The following GSDME variants were observed in gnomAD, a reference collection of about 807,000 sequenced individuals.
The protein encoded by GSDME is gasdermin E.
GSDME carries 44 observed loss-of-function variants against 47.5 expected under a neutral mutation model. That is an observed-to-expected ratio of 0.93 (90% confidence interval 0.73 to 1.19). The LOEUF (loss-of-function observed/expected upper bound fraction) is 1.19. Ranked by LOEUF, GSDME falls within the 50% of genes most tolerant of loss-of-function variation. GSDME has a pLI of 0.00. For missense variants in GSDME, 663 were observed against 604.2 expected, an observed-to-expected ratio of 1.10 and a Z score of -1.02; for synonymous variants, 258 against 252.8, an observed-to-expected ratio of 1.02 and a Z score of -0.20.
intron 8 of GSDME, chr7:24,704,443 G>C (rs886581289): frequency 6.6e-6 from 1 of 152,144 alleles, no homozygotes; most frequent in Non-Finnish European, 1.5e-5. Context: ...TTTAAGGAGA[G>C]AAGATTATAT....
At chr7:24,771,164 T>C in the GSDME span, among the ~76,000 whole-genome samples, 1 of 151,922 alleles carries the variant, frequency 6.6e-6, no homozygotes, top group Non-Finnish European at 1.5e-5. This position sits in a 1 kb window ranked among gnomAD's most constrained non-coding sequence, Gnocchi z 4.1. Flanking sequence ...ATAAGGCATG[T>C]CAGGTAACTG....
chr7:24,749,188 C>G (rs1584107535), intron 2 of GSDME, among the ~76,000 whole-genome samples: 1 of 152,152 alleles, frequency 6.6e-6, no homozygotes, highest in East Asian at 1.9e-4. Flanking sequence ...TATCTGGACT[C>G]AAGGCAATAC....
the GSDME span, among the ~76,000 whole-genome samples, chr7:24,765,819 T>A: frequency 1.1e-4 from 16 of 152,236 alleles, no homozygotes; most frequent in Non-Finnish European, 2.2e-4. Context: ...TTTATATACA[T>A]CATTTCATTG....
intron 3 of GSDME, among the ~76,000 whole-genome samples, chr7:24,722,161 G>A (rs931417271): frequency 6.6e-6 from 1 of 152,214 alleles, no homozygotes; most frequent in African/African-American, 2.4e-5. Flanking sequence ...TGCCTAGTAC[G>A]TAGGAAGAGC....
At chr7:24,746,529 C>A (rs1293599296) in intron 2 of GSDME, among the ~76,000 whole-genome samples, 1 of 152,192 alleles carries the variant, frequency 6.6e-6, no homozygotes, top group Non-Finnish European at 1.5e-5. Flanking sequence ...ACAGAAATAT[C>A]ATTTTCTAAT....
chr7:24,731,950 G>A (rs536143477), intron 3 of GSDME, among the ~76,000 whole-genome samples: 5 of 152,100 alleles, frequency 3.3e-5, no homozygotes, highest in African/African-American at 4.8e-5. Flanking sequence ...CCCTGAATTC[G>A]GCCTAAAAAT....
intron 3 of GSDME, among the ~76,000 whole-genome samples, chr7:24,729,482 C>T (rs942689090): frequency 6.6e-6 from 1 of 152,216 alleles, no homozygotes; most frequent in African/African-American, 2.4e-5. Flanking sequence ...AGGCAACTTC[C>T]GACACACTTG....
chr7:24,786,403 C>A, the GSDME span, among the ~76,000 whole-genome samples: 3 of 152,294 alleles, frequency 2.0e-5, no homozygotes, highest in South Asian at 6.2e-4. The surrounding 1 kb of genome is among the most constrained non-coding windows in gnomAD (Gnocchi z 5.5). Context: ...AACATGCAGA[C>A]ACACTCGTAG....
In GSDME at chr7:24,750,592, G is replaced by A. The variant is rs144823081; in HGVS notation, c.-19-799C>T. On this transcript the variant is annotated intron_variant, in intron 1 of 9. Coordinates refer to ENST00000645220, the MANE Select transcript of GSDME (RefSeq NM_001127453.2). Reference sequence around the variant, plus strand: ...CACGTCACCATACTCCAGTCTGGGTGACAGTGCAAGATTTTGTCTCAAAAA... The same window carrying A: ...CACGTCACCATACTCCAGTCTGGGTAACAGTGCAAGATTTTGTCTCAAAAA... 3.6e-3 allele frequency among the ~76,000 whole-genome samples: 545 copies of A among 152,308 alleles called. 4 individuals carry two copies. Among genetic ancestry groups the A allele is most frequent in the African/African-American group, 0.012 (515 of 41,566 alleles).
chr7:24,768,788 G>A, the GSDME span, among the ~76,000 whole-genome samples: 1 of 152,234 alleles, frequency 6.6e-6, no homozygotes, highest in Non-Finnish European at 1.5e-5. The surrounding 1 kb of genome is among the most constrained non-coding windows in gnomAD (Gnocchi z 5.6). Flanking sequence ...GCTTTCATCA[G>A]CAGTTCCAGC....
In GSDME at chr7:24,726,544, C is replaced by T. The variant is rs1016749324; in HGVS notation, c.405-7326G>A. ...AACCCTTGATAGTAACAATGGTAGG[C>T]CGGGCGCGGTGGCTCACGCCTGTTA... On this transcript the variant is annotated intron_variant, in intron 3 of 9. Coordinates refer to ENST00000645220, the MANE Select transcript of GSDME (RefSeq NM_001127453.2). This position sits in a 1 kb window ranked among gnomAD's most constrained non-coding sequence, Gnocchi z 5.6. Among the ~76,000 whole-genome samples the T allele has an allele frequency of 2.0e-5, 3 of 152,214 alleles. No individual in the cohort carries two copies. The highest frequency in any genetic ancestry group is 2.0e-4 in the Admixed American group (3 of 15,282).
Position 24,751,804 on chromosome 7 carries a change from C to G in GSDME, c.-19-2011G>C, listed in dbSNP as rs75623152. 6.6e-3 allele frequency among the ~76,000 whole-genome samples: 999 copies of G among 152,310 alleles called. 9 individuals carry two copies. Among genetic ancestry groups the G allele is most frequent in the African/African-American group, 0.023 (957 of 41,564 alleles). On this transcript the variant is annotated intron_variant, in intron 1 of 9. Transcript: ENST00000645220. Reference sequence around the variant, plus strand: ...TTCACTAATTTTTCTTGAGTACCTACTATACTACTGTGTTGAAGCACTTAG... The same window carrying G: ...TTCACTAATTTTTCTTGAGTACCTAGTATACTACTGTGTTGAAGCACTTAG...
rs915622012 is a variant in GSDME at position 24,698,707 on chromosome 7, G to C, written c.*319C>G. On this transcript the variant is annotated 3_prime_UTR_variant, in exon 10 of 10. Coordinates refer to ENST00000645220, the MANE Select transcript of GSDME (RefSeq NM_001127453.2). ...CTTTCTATGTAACAAAAAGTGGAAT[G>C]CAAGTGACAGATGGACTTATTATTG... 2 of 385,034 alleles carry C rather than the reference G, an allele frequency of 5.2e-6. No individual in the cohort carries two copies. The highest frequency in any genetic ancestry group is 5.9e-5 in the East Asian group (1 of 16,912). The allele number at this position is 385,034 out of a possible 1,614,324, so 23.9% of individuals were successfully genotyped here.
Position 24,709,373 on chromosome 7 carries a change from G to A in GSDME, c.862+851C>T, listed in dbSNP as rs561694663. 2.0e-5 allele frequency among the ~76,000 whole-genome samples: 3 copies of A among 152,264 alleles called. No homozygotes were observed. The South Asian group carries it at 6.2e-4, about 32-fold the overall frequency. On this transcript the variant is annotated intron_variant, in intron 6 of 9. Transcript: ENST00000645220. ...ATCCTTCAAGTGGCAGCTGAAAATT[G>A]CACCCACTTATCCATCTCAAGGAAG... is the stretch of plus-strand genomic sequence containing the variant.
chr7:24,706,031 C>T (rs1789084047), intron 8 of GSDME, 153 bp downstream of exon 8: 3 of 959,556 alleles, frequency 3.1e-6, no homozygotes, highest in Admixed American at 2.0e-5. Flanking sequence ...TCCCATCAGC[C>T]TCCCACCTCT....
rs560579974 is a variant in GSDME at position 24,728,052 on chromosome 7, C to G, written c.405-8834G>C. ...GGAGGAAGAGACAGGGTGCACCCAG[C>G]CCTGCCAATGAGTCTTGATTTGTCT... On this transcript the variant is annotated intron_variant, in intron 3 of 9. Transcript: ENST00000645220. The surrounding 1 kb of genome is among the most constrained non-coding windows in gnomAD (Gnocchi z 7.2). Among the ~76,000 whole-genome samples the G allele has an allele frequency of 6.6e-6, 1 of 152,336 alleles. No individual in the cohort carries two copies. Among genetic ancestry groups the G allele is most frequent in the East Asian group, 1.9e-4 (1 of 5,184 alleles).
intron 9 of GSDME, 36 bp from the exon 10 acceptor site, chr7:24,699,295 A>T: frequency 2.0e-6 from 3 of 1,510,518 alleles, no homozygotes; most frequent in South Asian, 2.3e-5. Context: ...CACTTTTAAA[A>T]TGTCCTAAAA....
At chr7:24,785,519 G>A in the GSDME span, among the ~76,000 whole-genome samples, 1 of 152,170 alleles carries the variant, frequency 6.6e-6, no homozygotes, top group African/African-American at 2.4e-5. Context: ...GCAGTGGCGC[G>A]ATCTCAGCTC....
intron 3 of GSDME, among the ~76,000 whole-genome samples, chr7:24,720,419 C>T (rs1008476706): frequency 6.6e-6 from 1 of 152,156 alleles, no homozygotes; most frequent in Non-Finnish European, 1.5e-5. Flanking sequence ...TGACCACACA[C>T]ATGCTGGGTC....
Sources: gnomAD v4.1 joint callset for allele counts (sites outside exome capture counted in the v4.1 genomes callset) on GRCh38, gnomAD v4.1.1 for gene constraint, Gnocchi (gnomAD v3.1) non-coding constraint, MANE v1.5 for transcripts, NCBI Gene and HGNC (gene_info 2026-07-23, HGNC 2026-07-21) for gene names.